TASP1: variants seen among roughly 807,000 people sequenced by gnomAD.
TASP1 encodes the protein threonine aspartase 1.
In TASP1, 16 loss-of-function variants were observed where a neutral mutation model predicts 56.6. That is an observed-to-expected ratio of 0.28 (90% CI 0.19 to 0.43). TASP1 has a LOEUF of 0.43. Among genes scored for constraint, TASP1 ranks in the 20% least tolerant of loss-of-function variants. The pLI is 1.00. For synonymous variants in TASP1, 179 were observed against 184.2 expected (o/e 0.97, Z 0.23); for missense variants, 393 against 511.6 (o/e 0.77, Z 2.24).
intron 5 of TASP1, among the ~76,000 whole-genome samples, chr20:13,586,736 G>C (rs1568616003): frequency 6.6e-6 from 1 of 151,776 alleles, no homozygotes; most frequent in East Asian, 1.9e-4. Context: ...TACTGATGTG[G>C]AAAAAATCTC....
chr20:13,558,329 C>G (rs1018731453), intron 8 of TASP1, among the ~76,000 whole-genome samples: 2 of 152,072 alleles, frequency 1.3e-5, no homozygotes, highest in African/African-American at 4.8e-5. Context: ...TCTTTCTATC[C>G]CTAAAAACGC....
At chr20:13,583,443 T>A (rs12106089) in intron 5 of TASP1, among the ~76,000 whole-genome samples, 9,283 of 152,320 alleles carry the variant, frequency 0.061, 366 homozygotes, top group African/African-American at 0.097. Flanking sequence ...TGCCCTAGGA[T>A]ACATTTTTGA....
At chr20:13,174,094 G>A in the TASP1 span, among the ~76,000 whole-genome samples, 16 of 152,072 alleles carry the variant, frequency 1.1e-4, no homozygotes, top group Admixed American at 3.3e-4. Context: ...TCATTTCCAC[G>A]TCCAGCCTTC....
At chr20:13,253,452 G>A in the TASP1 span, among the ~76,000 whole-genome samples, 1 of 152,168 alleles carries the variant, frequency 6.6e-6, no homozygotes, top group Non-Finnish European at 1.5e-5. Flanking sequence ...TGAGAGCGCT[G>A]TGTTTCCTGG....
At chr20:13,133,066 C>G in the TASP1 span, 3 of 152,334 alleles carry the variant, frequency 2.0e-5, no homozygotes, top group Non-Finnish European at 2.9e-5. Flanking sequence ...TTGAAAACAG[C>G]CTTCAAAGAC....
At chr20:13,455,554 T>C (rs1568824772) in intron 11 of TASP1, among the ~76,000 whole-genome samples, 1 of 152,124 alleles carries the variant, frequency 6.6e-6, no homozygotes, top group Non-Finnish European at 1.5e-5. Context: ...TGATGCTTTA[T>C]GAAAAGTTCA....
chr20:13,542,943 G>C (rs2045676902), intron 8 of TASP1, among the ~76,000 whole-genome samples: 1 of 151,718 alleles, frequency 6.6e-6, no homozygotes, highest in East Asian at 1.9e-4. Flanking sequence ...CAAAGAAAAA[G>C]GGGGAAAAAA....
downstream of TASP1, among the ~76,000 whole-genome samples, chr20:13,386,433 C>T (rs2041163182): frequency 6.6e-6 from 1 of 150,452 alleles, no homozygotes; most frequent in Non-Finnish European, 1.5e-5. Flanking sequence ...TTTTCCTTAT[C>T]TATTTTCTAA....
chr20:13,160,088 C>G, the TASP1 span: 2 of 1,613,632 alleles, frequency 1.2e-6, no homozygotes, highest in Non-Finnish European at 1.7e-6. Flanking sequence ...AGCTCGGGCT[C>G]GGTTTTGTGT....
the TASP1 span, among the ~76,000 whole-genome samples, chr20:13,161,366 TC>T: frequency 6.6e-5 from 10 of 152,098 alleles, no homozygotes; most frequent in Non-Finnish European, 1.5e-4. Flanking sequence ...AAAATAAGGT[TC>T]TAGAGCTTAG....
the TASP1 span, among the ~76,000 whole-genome samples, chr20:13,163,036 T>A: frequency 2.6e-5 from 4 of 152,150 alleles, no homozygotes; most frequent in Non-Finnish European, 5.9e-5. Flanking sequence ...GTACATTATA[T>A]AAGAGACACA....
intron 11 of TASP1, among the ~76,000 whole-genome samples, chr20:13,460,300 G>A (rs771072918): frequency 6.6e-6 from 1 of 152,128 alleles, no homozygotes; most frequent in Non-Finnish European, 1.5e-5. Context: ...CAAACTCCTG[G>A]ATTTTCTCCA....
At chr20:13,401,633 T>A (rs1035139795) in intron 13 of TASP1, among the ~76,000 whole-genome samples, 1 of 152,178 alleles carries the variant, frequency 6.6e-6, no homozygotes, top group Non-Finnish European at 1.5e-5. Flanking sequence ...GAAATAACAA[T>A]GACATGACCA....
the TASP1 span, among the ~76,000 whole-genome samples, chr20:13,130,787 G>T: frequency 2.2e-4 from 34 of 152,218 alleles, 1 homozygote; most frequent in Admixed American, 2.0e-4. Context: ...AGCCAATGTT[G>T]TAAGCCCCTT....
downstream of TASP1, among the ~76,000 whole-genome samples, chr20:13,387,184 ATTTTTTTTTTTTTTT>A (rs779048448): frequency 1.4e-5 from 1 of 70,694 alleles, no homozygotes; most frequent in African/African-American, 6.7e-5. Flanking sequence ...ACATGATTTC[ATTTTTTTTTTTTTTT>A]TTTTTTTTTT....
chr20:13,540,063 C>A (rs111375065), intron 8 of TASP1, among the ~76,000 whole-genome samples: 1 of 152,094 alleles, frequency 6.6e-6, no homozygotes, highest in Non-Finnish European at 1.5e-5. Context: ...CTCACTCATA[C>A]GCAGTTTAAT....
chr20:13,577,963 A>G (rs1344471266), intron 6 of TASP1, among the ~76,000 whole-genome samples: 1 of 152,212 alleles, frequency 6.6e-6, no homozygotes, highest in Non-Finnish European at 1.5e-5. Context: ...ACAAGCAACA[A>G]TGCTATAGCC....
chr20:13,630,183 T>C (rs2049033221), intron 1 of TASP1, 31 bp from the exon 2 acceptor site: 6 of 1,236,028 alleles, frequency 4.9e-6, no homozygotes, highest in Non-Finnish European at 6.6e-6. Flanking sequence ...ATGGTATACA[T>C]TTCTTTCCAC....
intron 10 of TASP1, among the ~76,000 whole-genome samples, chr20:13,510,924 C>T (rs963597200): frequency 3.9e-5 from 6 of 152,130 alleles, no homozygotes; most frequent in Non-Finnish European, 5.9e-5. Flanking sequence ...AGTAGGATAC[C>T]GGTGGCCACC....
Sources: allele counts gnomAD v4.1 joint callset (sites outside exome capture counted in the v4.1 genomes callset), GRCh38; gene constraint gnomAD v4.1.1; transcripts MANE v1.5; gene names NCBI Gene and HGNC (gene_info 2026-07-23, HGNC 2026-07-21).